DPP6: variants seen among roughly 807,000 people sequenced by gnomAD.
DPP6 encodes the protein dipeptidyl peptidase like 6.
A neutral mutation model predicts 122.6 loss-of-function variants in DPP6; 69 were observed. That is an observed-to-expected ratio of 0.56 (90% CI 0.46 to 0.69). The LOEUF (loss-of-function observed/expected upper bound fraction) is 0.69, where lower values mean the gene tolerates loss of function less well. Among genes scored for constraint, DPP6 ranks in the 30% least tolerant of loss-of-function variants. The probability of loss-of-function intolerance (pLI) is 0.00; values close to 1 mark genes in which losing one functional copy is unlikely to be tolerated. For missense variants in DPP6, 928 were observed against 1,116.9 expected, an observed-to-expected ratio of 0.83 and a Z score of 2.41; for synonymous variants, 418 against 433.1, an observed-to-expected ratio of 0.97 and a Z score of 0.43.
intron 1 of DPP6, among the ~76,000 whole-genome samples, chr7:153,919,295 C>T (rs1267665032): frequency 1.3e-5 from 2 of 152,116 alleles, no homozygotes; most frequent in Non-Finnish European, 2.9e-5. Flanking sequence ...ATGCCTTTCC[C>T]CTAGCAAACT....
rs182254001 is a variant in DPP6 at position 154,354,408 on chromosome 7, G to T, written c.244-91806G>T. On this transcript the variant is annotated intron_variant, in intron 1 of 25. Transcript: ENST00000377770. ...CCCTATTTTATTGATGAGATATTAG[G>T]GACTGGGACAGACACTCCTCATCCT... Among the ~76,000 whole-genome samples, 9 of 152,236 alleles carry T rather than the reference G, an allele frequency of 5.9e-5. No individual in the cohort carries two copies. In the East Asian group the frequency reaches 1.7e-3, roughly 29 times the overall value.
intron 4 of DPP6, among the ~76,000 whole-genome samples, chr7:154,555,563 A>C (rs1829971709): frequency 6.6e-6 from 1 of 152,142 alleles, no homozygotes; most frequent in Non-Finnish European, 1.5e-5. Flanking sequence ...ACATGTATAC[A>C]TATGTAACAA....
At chr7:154,061,466 C>T (rs1171150276) in intron 1 of DPP6, among the ~76,000 whole-genome samples, 10 of 146,582 alleles carry the variant, frequency 6.8e-5, no homozygotes, top group African/African-American at 1.8e-4. Flanking sequence ...AAGGATGGCC[C>T]CCCTATTAGA....
intron 1 of DPP6, among the ~76,000 whole-genome samples, chr7:154,194,635 A>T (rs1798774741): frequency 6.6e-6 from 1 of 152,192 alleles, no homozygotes; most frequent in Non-Finnish European, 1.5e-5. Flanking sequence ...TATAGGATGA[A>T]TTCTTTCGTT....
intron 1 of DPP6, among the ~76,000 whole-genome samples, chr7:154,389,129 C>T (rs1330140818): frequency 6.6e-6 from 1 of 152,140 alleles, no homozygotes; most frequent in Non-Finnish European, 1.5e-5. Flanking sequence ...CCTTATGTAT[C>T]TGATTTATGT....
rs577911942 is a variant in DPP6 at position 154,128,591 on chromosome 7, C to T, written c.243+75528C>T. Among the ~76,000 whole-genome samples the T allele has an allele frequency of 5.3e-5, 8 of 152,102 alleles. No homozygotes were observed. In the South Asian group the frequency reaches 1.5e-3, roughly 28 times the overall value. On this transcript the variant is annotated intron_variant, in intron 1 of 25. Transcript: ENST00000377770. ...TAATTTTTTGTATTTTTAGTAGAGA[C>T]GGGGTTTCACCATGGTCTGGATCTC...
intron 1 of DPP6, among the ~76,000 whole-genome samples, chr7:153,907,254 G>A (rs1325021587): frequency 6.6e-6 from 1 of 152,136 alleles, no homozygotes; most frequent in African/African-American, 2.4e-5. Flanking sequence ...CTGATGATGA[G>A]TGATGATGAG....
At chr7:154,371,221 G>T (rs940830779) in intron 1 of DPP6, among the ~76,000 whole-genome samples, 2 of 151,526 alleles carry the variant, frequency 1.3e-5, no homozygotes, top group Middle Eastern at 6.8e-3. Context: ...CTACTAAAAA[G>T]TACAAAAATT....
chr7:154,743,142 C>T (rs917786937), intron 8 of DPP6, among the ~76,000 whole-genome samples: 1 of 152,220 alleles, frequency 6.6e-6, no homozygotes, highest in African/African-American at 2.4e-5. Context: ...CCATTGATCT[C>T]ATCTCTCGGG....
the DPP6 span, among the ~76,000 whole-genome samples, chr7:153,820,924 T>G: frequency 2.0e-4 from 27 of 137,992 alleles, no homozygotes; most frequent in Non-Finnish European, 3.0e-4. Flanking sequence ...TGGATCTGTG[T>G]TCCTGCTTCC....
chr7:153,870,421 T>G, the DPP6 span, among the ~76,000 whole-genome samples: 1 of 152,214 alleles, frequency 6.6e-6, no homozygotes, highest in African/African-American at 2.4e-5. Context: ...TCGCTGATAC[T>G]CTTTCTTGCA....
chr7:154,317,027 AAGAAGC>A (rs1383597190), intron 1 of DPP6, among the ~76,000 whole-genome samples: 2 of 152,202 alleles, frequency 1.3e-5, no homozygotes, highest in African/African-American at 4.8e-5. Flanking sequence ...CCAAGGTGTA[AAGAAGC>A]AGAAGCATGA....
chr7:154,570,748 G>A (rs973087300), intron 5 of DPP6, among the ~76,000 whole-genome samples: 7 of 152,118 alleles, frequency 4.6e-5, no homozygotes, highest in Non-Finnish European at 1.0e-4. Flanking sequence ...ACACAAGTTA[G>A]CTCATCTTAA....
intron 7 of DPP6, among the ~76,000 whole-genome samples, chr7:154,719,284 T>A (rs192536032): frequency 2.1e-3 from 322 of 152,218 alleles, no homozygotes; most frequent in Non-Finnish European, 3.5e-3. Flanking sequence ...TCTGCTGGGA[T>A]CTGGGGGCTC....
intron 1 of DPP6, among the ~76,000 whole-genome samples, chr7:154,064,221 G>A (rs1172311646): frequency 6.6e-6 from 1 of 152,164 alleles, no homozygotes; most frequent in African/African-American, 2.4e-5. Context: ...AGCACCTCCT[G>A]GTCTTGATTG....
intron 1 of DPP6, among the ~76,000 whole-genome samples, chr7:153,985,184 C>T (rs1277626064): frequency 1.3e-5 from 2 of 152,192 alleles, no homozygotes; most frequent in Admixed American, 6.5e-5. Flanking sequence ...ACTTTGCCTC[C>T]CATTGACTGA....
chr7:153,936,440 A>G (rs754153595), intron 1 of DPP6, among the ~76,000 whole-genome samples: 7 of 152,112 alleles, frequency 4.6e-5, no homozygotes, highest in African/African-American at 9.7e-5. Flanking sequence ...ACCTCTTTTC[A>G]GTGCATAGAT....
chr7:154,298,837 C>T (rs1805714759), intron 1 of DPP6, among the ~76,000 whole-genome samples: 1 of 152,158 alleles, frequency 6.6e-6, no homozygotes, highest in African/African-American at 2.4e-5. Context: ...TTCACTCTCC[C>T]AGCTATAATT....
intron 1 of DPP6, among the ~76,000 whole-genome samples, chr7:154,386,028 C>A (rs1221467513): frequency 2.0e-5 from 3 of 152,156 alleles, no homozygotes; most frequent in Non-Finnish European, 2.9e-5. Context: ...CCCTTTCTTG[C>A]AAAAGTACAA....
Sources: gnomAD v4.1 joint callset for allele counts (sites outside exome capture counted in the v4.1 genomes callset) on GRCh38, gnomAD v4.1.1 for gene constraint, MANE v1.5 for transcripts, NCBI Gene and HGNC (gene_info 2026-07-23, HGNC 2026-07-21) for gene names.